The following SLC8A1 variants were observed in gnomAD, a reference collection of about 807,000 sequenced individuals.
The protein encoded by SLC8A1 is sodium/calcium exchanger 1.
SLC8A1 carries 18 observed loss-of-function variants against 68.3 expected under a neutral mutation model. That is an observed-to-expected ratio of 0.26 (90% CI 0.18 to 0.39). SLC8A1 has a LOEUF of 0.39. SLC8A1 is among the 10% of genes least tolerant of loss of function. SLC8A1 has a pLI of 1.00. For synonymous variants in SLC8A1, 475 were observed against 415.5 expected (o/e 1.14, Z -1.74); for missense variants, 985 against 1,156.7 (o/e 0.85, Z 2.15).
At chr2:40,323,891 G>A (rs1427333515) in intron 2 of SLC8A1, among the ~76,000 whole-genome samples, 4 of 152,030 alleles carry the variant, frequency 2.6e-5, no homozygotes, top group Admixed American at 1.3e-4. Flanking sequence ...AGGTGTTTCA[G>A]GAGTTTAATT....
intron 2 of SLC8A1, among the ~76,000 whole-genome samples, chr2:40,205,364 G>A (rs1030168712): frequency 2.6e-5 from 4 of 152,018 alleles, no homozygotes; most frequent in African/African-American, 9.7e-5. Flanking sequence ...GCTGTGGAAT[G>A]CTTCAAGGAA....
rs57902735 is a variant in SLC8A1 at position 40,485,495 on chromosome 2, C to T, written c.-25+26854G>A. Among the ~76,000 whole-genome samples, 961 of 152,262 alleles carry T rather than the reference C, an allele frequency of 6.3e-3. 9 individuals carry two copies. Among genetic ancestry groups the T allele is most frequent in the African/African-American group, 0.022 (926 of 41,544 alleles). On this transcript the variant is annotated intron_variant, in intron 1 of 7. Transcript: ENST00000402441. ...CTATGTCTCTTGCTTGCTCAACTGC[C>T]AGTTACTTTTAAACGTCTGGGGATG...
chr2:40,396,748 T>TGAAAA (rs1687027635), intron 2 of SLC8A1, among the ~76,000 whole-genome samples: 1 of 87,086 alleles, frequency 1.1e-5, no homozygotes, highest in African/African-American at 6.2e-5. Flanking sequence ...CTCTAATAAC[T>TGAAAA]AAAAAAAAAA....
At chr2:40,323,164 T>G (rs2075406740) in intron 2 of SLC8A1, among the ~76,000 whole-genome samples, 1 of 152,186 alleles carries the variant, frequency 6.6e-6, no homozygotes, top group African/African-American at 2.4e-5. Context: ...GAGCTTCCAG[T>G]GTCTTTATCA....
At chr2:40,492,497 A>C (rs1705385005) in intron 1 of SLC8A1, among the ~76,000 whole-genome samples, 1 of 152,090 alleles carries the variant, frequency 6.6e-6, no homozygotes, top group African/African-American at 2.4e-5. Flanking sequence ...GACAAATGGG[A>C]TCTAATTAAA....
intron 1 of SLC8A1, among the ~76,000 whole-genome samples, chr2:40,486,930 CT>C (rs1705006801): frequency 7.1e-6 from 1 of 139,988 alleles, no homozygotes; most frequent in Non-Finnish European, 1.5e-5. Flanking sequence ...TCTGAGCAAA[CT>C]ATTGCAAGGA....
chr2:40,154,299 C>CTTT (rs57350879), intron 6 of SLC8A1, among the ~76,000 whole-genome samples: 4 of 74,918 alleles, frequency 5.3e-5, no homozygotes, highest in African/African-American at 1.5e-4. Context: ...TTTATTTATT[C>CTTT]TTTTTTTTTT....
At chr2:40,192,365 G>GA (rs1553400337) in intron 2 of SLC8A1, among the ~76,000 whole-genome samples, 1 of 8,724 alleles carries the variant, frequency 1.1e-4, no homozygotes, top group Non-Finnish European at 2.0e-4. Flanking sequence ...TCCTTTTAGA[G>GA]TTTTTTTTAC....
At chr2:40,367,309 A>C (rs1264861353) in intron 2 of SLC8A1, among the ~76,000 whole-genome samples, 1 of 151,986 alleles carries the variant, frequency 6.6e-6, no homozygotes, top group African/African-American at 2.4e-5. Context: ...TGTGTTCCCT[A>C]GTCAACCTGG....
chr2:40,124,442 C>T (rs938688163), intron 7 of SLC8A1, among the ~76,000 whole-genome samples: 4 of 152,200 alleles, frequency 2.6e-5, no homozygotes, highest in African/African-American at 9.7e-5. Context: ...CAATCCAGCA[C>T]AGGAGGCAGC....
intron 2 of SLC8A1, among the ~76,000 whole-genome samples, chr2:40,293,724 G>A (rs545854491): frequency 6.6e-5 from 10 of 152,092 alleles, no homozygotes; most frequent in Non-Finnish European, 1.2e-4. Flanking sequence ...AAAAGTCCTC[G>A]ATTAGGTGCA....
intron 2 of SLC8A1, among the ~76,000 whole-genome samples, chr2:40,223,248 C>T (rs1285676263): frequency 6.6e-6 from 1 of 152,182 alleles, no homozygotes; most frequent in Non-Finnish European, 1.5e-5. Context: ...CCACCATTCT[C>T]AGCAAACTAA....
chr2:40,456,107 G>C (rs1304197769), upstream of SLC8A1, among the ~76,000 whole-genome samples: 1 of 152,132 alleles, frequency 6.6e-6, no homozygotes, highest in East Asian at 1.9e-4. Context: ...ACGAGGTCAG[G>C]AGATCGAGAC....
intron 2 of SLC8A1, among the ~76,000 whole-genome samples, chr2:40,358,048 GAAAAAAAAAAAAA>G (rs776231355): frequency 1.3e-5 from 1 of 77,706 alleles, no homozygotes; most frequent in African/African-American, 5.1e-5. Flanking sequence ...GCAACTGAAG[GAAAAAAAAAAAAA>G]AAAAAAAAAA....
intron 5 of SLC8A1, among the ~76,000 whole-genome samples, chr2:40,161,908 G>T (rs2148457495): frequency 6.6e-6 from 1 of 152,284 alleles, no homozygotes; most frequent in South Asian, 2.1e-4. Context: ...TACTTGAGTG[G>T]ACTATGGTTT....
At chr2:40,173,731 TGCACAATATATTGGAAAATTTTGATATTG>T (rs1446050750) in intron 4 of SLC8A1, among the ~76,000 whole-genome samples, 1 of 147,250 alleles carries the variant, frequency 6.8e-6, no homozygotes, top group Admixed American at 6.7e-5. Context: ...TTTTGATATC[TGCACAATATATTGGAAAATTTTGATATTG>T]GCACAATATA....
intron 2 of SLC8A1, among the ~76,000 whole-genome samples, chr2:40,422,714 C>A (rs907958375): frequency 6.6e-6 from 1 of 151,944 alleles, no homozygotes; most frequent in African/African-American, 2.4e-5. Flanking sequence ...TCCTAGAGAC[C>A]CAAGGACTAG....
At chr2:40,217,881 G>C (rs188227684) in intron 2 of SLC8A1, among the ~76,000 whole-genome samples, 1 of 152,234 alleles carries the variant, frequency 6.6e-6, no homozygotes, top group South Asian at 2.1e-4. Context: ...ATATTGTTAA[G>C]TAACCATATA....
chr2:40,165,495 G>T (rs2046393829), intron 4 of SLC8A1, among the ~76,000 whole-genome samples: 1 of 152,138 alleles, frequency 6.6e-6, no homozygotes, highest in South Asian at 2.1e-4. Flanking sequence ...TCTGACTTTA[G>T]CCTCTCTCTT....
Sources: gnomAD v4.1 joint callset for allele counts (sites outside exome capture counted in the v4.1 genomes callset) on GRCh38, gnomAD v4.1.1 for gene constraint, MANE v1.5 for transcripts, NCBI Gene and HGNC (gene_info 2026-07-23, HGNC 2026-07-21) for gene names.